Variants in GRM7 observed in about 807,000 individuals in gnomAD.
GRM7 encodes the protein metabotropic glutamate receptor 7.
GRM7 carries 35 observed loss-of-function variants against 84.5 expected under a neutral mutation model. The observed-to-expected ratio is 0.41, with a 90% CI of 0.32 to 0.55. The LOEUF (loss-of-function observed/expected upper bound fraction) is 0.55, where lower values mean the gene tolerates loss of function less well. Among genes scored for constraint, GRM7 ranks in the 20% least tolerant of loss-of-function variants. The pLI, the probability that GRM7 is intolerant of heterozygous loss-of-function variation, is 0.19. For missense variants in GRM7, 1,003 were observed against 1,194.6 expected (o/e 0.84, Z 2.36); for synonymous variants, 487 against 455.1 (o/e 1.07, Z -0.89).
At chr3:7,409,266 T>A (rs1307674387) in intron 4 of GRM7, among the ~76,000 whole-genome samples, 3 of 152,202 alleles carry the variant, frequency 2.0e-5, no homozygotes, top group African/African-American at 7.2e-5. Context: ...AAGCAACTTG[T>A]CTATCTCTAG....
intron 2 of GRM7, among the ~76,000 whole-genome samples, chr3:7,206,824 G>C (rs943205635): frequency 6.6e-6 from 1 of 152,152 alleles, no homozygotes; most frequent in Non-Finnish European, 1.5e-5. Flanking sequence ...CTTATTATTC[G>C]ACGGGTTCTA....
chr3:7,308,493 CT>C (rs1325530835), intron 4 of GRM7, among the ~76,000 whole-genome samples: 1 of 152,164 alleles, frequency 6.6e-6, no homozygotes, highest in Non-Finnish European at 1.5e-5. Flanking sequence ...GATTATGTGT[CT>C]GGAGGGATGG....
At chr3:7,072,315 T>C (rs144604342) in intron 1 of GRM7, among the ~76,000 whole-genome samples, 1 of 152,296 alleles carries the variant, frequency 6.6e-6, no homozygotes, top group African/African-American at 2.4e-5. Flanking sequence ...TTTTGGTAAG[T>C]CATTGTCTGT....
intron 4 of GRM7, among the ~76,000 whole-genome samples, chr3:7,334,978 C>A (rs942068451): frequency 1.3e-5 from 2 of 152,128 alleles, no homozygotes; most frequent in Admixed American, 6.5e-5. Flanking sequence ...GACTTCAGTA[C>A]ACCATTGACA....
At chr3:7,374,288 T>C (rs1022556872) in intron 4 of GRM7, among the ~76,000 whole-genome samples, 5 of 152,002 alleles carry the variant, frequency 3.3e-5, no homozygotes, top group Non-Finnish European at 5.9e-5. Flanking sequence ...TCAAGCGATT[T>C]TCCCACCTCA....
At chr3:6,935,852 C>A (rs919002085) in intron 1 of GRM7, among the ~76,000 whole-genome samples, 2 of 151,932 alleles carry the variant, frequency 1.3e-5, no homozygotes, top group African/African-American at 2.4e-5. Flanking sequence ...TGTGCCAACA[C>A]GCACGGCTAA....
intron 8 of GRM7, among the ~76,000 whole-genome samples, chr3:7,673,141 C>T (rs1353449438): frequency 3.9e-5 from 6 of 152,164 alleles, no homozygotes; most frequent in Admixed American, 3.9e-4. Context: ...CAGAGACCAT[C>T]ATTTGATCCC....
chr3:7,040,465 G>A (rs1463370960), intron 1 of GRM7, among the ~76,000 whole-genome samples: 1 of 151,970 alleles, frequency 6.6e-6, no homozygotes, highest in Non-Finnish European at 1.5e-5. Flanking sequence ...ACCATGCCCA[G>A]CTAATTTTTT....
intron 8 of GRM7, among the ~76,000 whole-genome samples, chr3:7,619,604 T>G (rs534150050): frequency 2.6e-5 from 4 of 152,094 alleles, no homozygotes; most frequent in Non-Finnish European, 5.9e-5. Flanking sequence ...AGTTGTTAAC[T>G]GCCCTGTTTT....
intron 1 of GRM7, among the ~76,000 whole-genome samples, chr3:7,089,090 T>C (rs1268907710): frequency 6.6e-6 from 1 of 152,210 alleles, no homozygotes; most frequent in Non-Finnish European, 1.5e-5. Context: ...CTCTGTTTTC[T>C]AATCATTTTT....
At chr3:7,684,176 A>G (rs935647328) in intron 9 of GRM7, among the ~76,000 whole-genome samples, 2 of 152,272 alleles carry the variant, frequency 1.3e-5, no homozygotes, top group African/African-American at 2.4e-5. Context: ...ATTCTGTTTA[A>G]TGCCAAATAT....
intron 1 of GRM7, among the ~76,000 whole-genome samples, chr3:7,141,988 C>A (rs904707314): frequency 6.6e-6 from 1 of 151,322 alleles, no homozygotes; most frequent in East Asian, 1.9e-4. Context: ...TGAGGTAGAG[C>A]GACTTAAACA....
In GRM7 at chr3:7,433,545, G is replaced by A. The variant is rs189093113; in HGVS notation, c.1174+18382G>A. ...ACAGACCAGTGAATCCTGTCATATC[G>A]CCTTACTTTGTTTCAGTATAAAGGT... On this transcript the variant is annotated intron_variant, in intron 5 of 9. Coordinates refer to ENST00000357716, the MANE Select transcript of GRM7 (RefSeq NM_000844.4). 2.7e-3 allele frequency among the ~76,000 whole-genome samples: 409 copies of A among 152,240 alleles called. 2 individuals carry two copies. The highest frequency in any genetic ancestry group is 9.0e-3 in the African/African-American group (374 of 41,558).
chr3:7,334,268 T>G (rs889092438), intron 4 of GRM7, among the ~76,000 whole-genome samples: 3 of 152,012 alleles, frequency 2.0e-5, no homozygotes, highest in Non-Finnish European at 2.9e-5. Flanking sequence ...GCAGAAACCC[T>G]CCAAGCAGGA....
intron 4 of GRM7, among the ~76,000 whole-genome samples, chr3:7,336,579 A>G (rs1267979349): frequency 1.3e-5 from 2 of 152,114 alleles, no homozygotes; most frequent in East Asian, 1.9e-4. Flanking sequence ...AGAGCATCCA[A>G]GTCAGTAAAG....
chr3:7,727,666 C>T (rs923523711), intron 9 of GRM7, among the ~76,000 whole-genome samples: 3 of 152,158 alleles, frequency 2.0e-5, no homozygotes, highest in African/African-American at 7.2e-5. Flanking sequence ...ACAGTCAATG[C>T]CGACCCAATT....
intron 8 of GRM7, among the ~76,000 whole-genome samples, chr3:7,646,735 T>C (rs77804845): frequency 0.016 from 2,413 of 152,244 alleles, 60 homozygotes; most frequent in African/African-American, 0.055. Context: ...TATGAGAAGT[T>C]GGAGGATGGA....
intron 7 of GRM7, among the ~76,000 whole-genome samples, chr3:7,477,672 C>T (rs185730467): frequency 9.9e-5 from 15 of 152,110 alleles, no homozygotes; most frequent in Admixed American, 3.3e-4. Flanking sequence ...GTGATCAACG[C>T]GAAGAAACAT....
chr3:7,074,542 A>G (rs1170592936), intron 1 of GRM7, among the ~76,000 whole-genome samples: 1 of 150,830 alleles, frequency 6.6e-6, no homozygotes, highest in Non-Finnish European at 1.5e-5. Flanking sequence ...TAGCCCTACA[A>G]AATTCTTACA....
Sources: gnomAD v4.1 joint callset for allele counts (sites outside exome capture counted in the v4.1 genomes callset) on GRCh38, gnomAD v4.1.1 for gene constraint, MANE v1.5 for transcripts, NCBI Gene and HGNC (gene_info 2026-07-23, HGNC 2026-07-21) for gene names.